The following ZDHHC14 variants were observed in gnomAD, a reference collection of about 807,000 sequenced individuals.
ZDHHC14 encodes palmitoyltransferase ZDHHC14.
A neutral mutation model predicts 47.7 loss-of-function variants in ZDHHC14; 16 were observed. The observed-to-expected ratio is 0.34, with a 90% confidence interval of 0.23 to 0.51. ZDHHC14 has a LOEUF of 0.51. Among genes scored for constraint, ZDHHC14 ranks in the 20% least tolerant of loss-of-function variants. The pLI is 0.97. For synonymous variants in ZDHHC14, 293 were observed against 278.9 expected (o/e 1.05, Z -0.50); for missense variants, 515 against 662.5 (o/e 0.78, Z 2.44).
rs994046855 is a variant in ZDHHC14, at chr6:157,676,027, G to C, written c.*2905G>C. The C allele has an allele frequency of 6.6e-6, 1 of 151,964 alleles. No homozygotes were observed. Among genetic ancestry groups the C allele is most frequent in the Non-Finnish European group, 1.5e-5 (1 of 68,026 alleles). 9.4% of individuals were successfully genotyped at this position (151,964 alleles called of 1,614,324 possible). A position where few individuals can be genotyped will look rare whatever the true frequency, so the allele number is the denominator to read the frequency against. ...TCCCGGCACTTGAAGGCTGAACTGA[G>C]CGTGAGTGCCCTGGTCCCCAGGAAG... On this transcript the variant is annotated 3_prime_UTR_variant, in exon 9 of 9. Coordinates refer to ENST00000359775, the MANE Select transcript of ZDHHC14 (RefSeq NM_024630.3).
intron 2 of ZDHHC14, among the ~76,000 whole-genome samples, chr6:157,569,233 A>T (rs190269015): frequency 6.6e-6 from 1 of 152,002 alleles, no homozygotes; most frequent in Non-Finnish European, 1.5e-5. Flanking sequence ...AGATAAGTTT[A>T]TGTATATTTT....
intron 1 of ZDHHC14, among the ~76,000 whole-genome samples, chr6:157,523,822 G>A (rs1339132178): frequency 6.6e-6 from 1 of 152,120 alleles, no homozygotes; most frequent in African/African-American, 2.4e-5. Flanking sequence ...GATTGCTTGA[G>A]CGCAAGAAAT....
At chr6:157,434,469 C>T (rs1325520698) in intron 1 of ZDHHC14, among the ~76,000 whole-genome samples, 3 of 151,994 alleles carry the variant, frequency 2.0e-5, no homozygotes, top group African/African-American at 7.3e-5. Flanking sequence ...TTCCCTAAGT[C>T]CCCCTGAGGA....
chr6:157,405,522 G>T (rs749700027), intron 1 of ZDHHC14, among the ~76,000 whole-genome samples: 10 of 152,030 alleles, frequency 6.6e-5, no homozygotes, highest in Non-Finnish European at 1.3e-4. Context: ...GTGAGCCACC[G>T]TGCCTGGCCG....
Position 157,673,578 on chromosome 6 carries a change from G to A in ZDHHC14, c.*456G>A. The A allele has an allele frequency of 6.2e-6, 1 of 161,042 alleles. No individual in the cohort carries two copies. The allele number at this position is 161,042 out of a possible 1,614,324, so 10.0% of individuals were successfully genotyped here. On this transcript the variant is annotated 3_prime_UTR_variant, in exon 9 of 9. Coordinates refer to ENST00000359775, the MANE Select transcript of ZDHHC14 (RefSeq NM_024630.3). The surrounding 1 kb of genome is among the most constrained non-coding windows in gnomAD (Gnocchi z 5.4). Reference sequence around the variant, plus strand: ...GAAAAAACCGACCAGGTGTGGATCTGCATGCCACGCTGCCGTCTGTGTTAC... The same window carrying A: ...GAAAAAACCGACCAGGTGTGGATCTACATGCCACGCTGCCGTCTGTGTTAC...
intron 4 of ZDHHC14, 122 bp from the exon 5 acceptor site, chr6:157,632,712 C>A: frequency 1.0e-6 from 1 of 978,356 alleles, no homozygotes; most frequent in Non-Finnish European, 1.6e-6. Flanking sequence ...GGTGTCGTAG[C>A]ACTTACAAAA....
chr6:157,484,458 G>A (rs925883062), intron 1 of ZDHHC14, among the ~76,000 whole-genome samples: 1 of 139,946 alleles, frequency 7.1e-6, no homozygotes, highest in African/African-American at 2.7e-5. Context: ...ATGTATATGT[G>A]TATATATACA....
chr6:157,578,366 T>C (rs374501510), intron 2 of ZDHHC14, among the ~76,000 whole-genome samples: 1 of 152,204 alleles, frequency 6.6e-6, no homozygotes, highest in East Asian at 1.9e-4. Flanking sequence ...GTTGATTTCA[T>C]ATGTGGTGTA....
intron 2 of ZDHHC14, among the ~76,000 whole-genome samples, chr6:157,556,258 G>T (rs1422687242): frequency 5.0e-4 from 75 of 149,906 alleles, no homozygotes; most frequent in Non-Finnish European, 9.8e-4. Context: ...GGGGTGGGGG[G>T]TGGAGGGTGG....
At chr6:157,411,047 GGCCAGTGGCTCAGAA>G (rs1486583004) in intron 1 of ZDHHC14, among the ~76,000 whole-genome samples, 2 of 152,190 alleles carry the variant, frequency 1.3e-5, no homozygotes, top group African/African-American at 4.8e-5. Context: ...AGATGGTCCA[GGCCAGTGGCTCAGAA>G]GCTGCAGTGG....
intron 5 of ZDHHC14, among the ~76,000 whole-genome samples, chr6:157,641,839 T>G (rs1474824115): frequency 6.6e-6 from 1 of 152,180 alleles, no homozygotes; most frequent in Non-Finnish European, 1.5e-5. Flanking sequence ...ATCAGATAAT[T>G]TTGTGGATGT....
At chr6:157,446,202 G>C (rs1045637006) in intron 1 of ZDHHC14, among the ~76,000 whole-genome samples, 21 of 151,998 alleles carry the variant, frequency 1.4e-4, no homozygotes, top group African/African-American at 4.8e-4. Flanking sequence ...CTATCATCTG[G>C]AGATTATCTC....
chr6:157,492,013 C>A (rs906422699), intron 1 of ZDHHC14, among the ~76,000 whole-genome samples: 3 of 152,246 alleles, frequency 2.0e-5, no homozygotes, highest in African/African-American at 4.8e-5. Context: ...GCCGGGGCTC[C>A]CCGCCAGAAC....
intron 5 of ZDHHC14, among the ~76,000 whole-genome samples, chr6:157,643,943 A>C (rs984670921): frequency 2.6e-5 from 4 of 151,990 alleles, no homozygotes; most frequent in African/African-American, 9.7e-5. Flanking sequence ...TTGGTTCTTC[A>C]TGTATTATTC....
At chr6:157,595,784 C>G (rs1305322483) in intron 3 of ZDHHC14, among the ~76,000 whole-genome samples, 2 of 152,190 alleles carry the variant, frequency 1.3e-5, no homozygotes, top group African/African-American at 4.8e-5. Flanking sequence ...CTAGGAGCCA[C>G]CAGGCTATAA....
chr6:157,385,439 C>T (rs907003832), intron 1 of ZDHHC14, among the ~76,000 whole-genome samples: 3 of 152,202 alleles, frequency 2.0e-5, no homozygotes, highest in Admixed American at 6.5e-5. Context: ...ATTAGAATTG[C>T]GTTTCCCCAG....
Position 157,416,155 on chromosome 6 carries a change from T to C in ZDHHC14, c.245+33889T>C, listed in dbSNP as rs536934843. Among the ~76,000 whole-genome samples, 11 of 152,348 alleles carry C rather than the reference T, an allele frequency of 7.2e-5. No homozygotes were observed. The East Asian group carries it at 2.1e-3, about 29-fold the overall frequency. On this transcript the variant is annotated intron_variant, in intron 1 of 8. Coordinates refer to ENST00000359775, the MANE Select transcript of ZDHHC14 (RefSeq NM_024630.3). Reference sequence around the variant, plus strand: ...GCTTTGGAGAGCACATGTGTGCATTTGGATTGTATCTTTTAAAATTTATTT... The same window carrying C: ...GCTTTGGAGAGCACATGTGTGCATTCGGATTGTATCTTTTAAAATTTATTT...
intron 1 of ZDHHC14, among the ~76,000 whole-genome samples, chr6:157,387,640 A>G (rs1777342562): frequency 6.6e-6 from 1 of 152,202 alleles, no homozygotes; most frequent in Admixed American, 6.5e-5. Context: ...TTCCACAAGA[A>G]CTTTAGGTGA....
At chr6:157,398,928 A>G (rs956895878) in intron 1 of ZDHHC14, among the ~76,000 whole-genome samples, 1 of 152,184 alleles carries the variant, frequency 6.6e-6, no homozygotes, top group Non-Finnish European at 1.5e-5. Flanking sequence ...CGACATCCAC[A>G]GTTAGGTTAA....
Sources: allele counts gnomAD v4.1 joint callset (sites outside exome capture counted in the v4.1 genomes callset), GRCh38; gene constraint gnomAD v4.1.1; non-coding constraint Gnocchi (gnomAD v3.1); transcripts MANE v1.5; gene names NCBI Gene and HGNC (gene_info 2026-07-23, HGNC 2026-07-21).